Variants in HEATR1 observed in about 807,000 individuals in gnomAD.
HEATR1 encodes the protein HEAT repeat containing 1.
A neutral mutation model predicts 248.2 loss-of-function variants in HEATR1; 77 were observed. The observed-to-expected ratio is 0.31, with a 90% CI of 0.26 to 0.37. The LOEUF is 0.37. Among genes scored for constraint, HEATR1 ranks in the 10% least tolerant of loss-of-function variants. The pLI is 1.00. For synonymous variants in HEATR1, 897 were observed against 923.1 expected (o/e 0.97, Z 0.51); for missense variants, 2,420 against 2,504.9 (o/e 0.97, Z 0.72).
At chr1:236,571,826 A>G in intron 26 of HEATR1, 140 bp from the exon 27 acceptor site, 1 of 663,072 alleles carries the variant, frequency 1.5e-6, no homozygotes, top group South Asian at 1.8e-5. Flanking sequence ...ATTAAACATC[A>G]AGTCTAGAAA....
chr1:236,567,973 CAGAA>C (rs1218804430), intron 29 of HEATR1, among the ~76,000 whole-genome samples: 1 of 152,214 alleles, frequency 6.6e-6, no homozygotes, highest in Non-Finnish European at 1.5e-5. Context: ...GAATAAATGA[CAGAA>C]AGAATGACAG....
intron 9 of HEATR1, 70 bp downstream of exon 9, chr1:236,593,942 T>C: frequency 9.7e-7 from 1 of 1,031,652 alleles, no homozygotes; most frequent in Non-Finnish European, 1.5e-6. Context: ...GGGAAATTTC[T>C]AACCAATCTT....
chr1:236,556,613 T>C (rs1027629487), intron 37 of HEATR1, among the ~76,000 whole-genome samples: 32 of 152,190 alleles, frequency 2.1e-4, no homozygotes, highest in African/African-American at 6.8e-4. Context: ...CTGAGAAGGC[T>C]ACTTTTAAAC....
Position 236,572,544 on chromosome 1 carries a change from C to T in HEATR1, c.3574G>A (p.Asp1192Asn), listed in dbSNP as rs753802952. The T allele has an allele frequency of 4.3e-6, 7 of 1,613,540 alleles. No individual in the cohort carries two copies. The highest frequency in any genetic ancestry group is 1.3e-5 in the African/African-American group (1 of 74,862). ...CCAACTTCCTGAACAGATTCTAGAT[C>T]TTGTGATTTTCTGGAAAATGGAGAA... ...RQKMQQKKSQ[D>N]LESVQEVGGS... is the part of the protein sequence containing the mutation. The change falls in exon 26 of 45, where the codon GAT becomes AAT. Residue 1192 changes from aspartate to asparagine, a missense_variant. Asp to Asn is a conservative substitution (Grantham distance 23). Coordinates refer to ENST00000366582, the MANE Select transcript of HEATR1 (RefSeq NM_018072.6).
At chr1:236,583,313 A>T in intron 17 of HEATR1, 117 bp from the exon 18 acceptor site, 1 of 812,208 alleles carries the variant, frequency 1.2e-6, no homozygotes, top group Non-Finnish European at 1.9e-6. Flanking sequence ...TGGTGGGGAA[A>T]GGATTAACAG....
intron 21 of HEATR1, 88 bp downstream of exon 21, chr1:236,576,692 C>G: frequency 8.1e-7 from 1 of 1,237,064 alleles, no homozygotes; most frequent in Non-Finnish European, 1.1e-6. Context: ...CATCAAAATC[C>G]CTACACAGTG....
chr1:236,595,998 A>G lies in HEATR1; in HGVS notation c.791T>C (p.Ile264Thr). Reference sequence around the variant, plus strand: ...CACTTTCACAGAAATCTGACATATTATCATGTATGTTGCAGCTCTGTAATC... The same window carrying G: ...CACTTTCACAGAAATCTGACATATTGTCATGTATGTTGCAGCTCTGTAATC... ...LPDYRAATYM[I>T]ICQISVKVTM... Residue 264 changes from isoleucine to threonine, a missense_variant, in exon 7 of 45, where the codon ATA becomes ACA. Transcript: ENST00000366582. 6.2e-7 allele frequency: 1 copy of G among 1,613,860 alleles called. No individual in the cohort carries two copies. Among genetic ancestry groups the G allele is most frequent in the South Asian group, 1.1e-5 (1 of 91,062 alleles).
rs114897521 is a variant in HEATR1, at chr1:236,600,874, T to C, written c.360-1250A>G. 3.2e-3 allele frequency among the ~76,000 whole-genome samples: 492 copies of C among 152,292 alleles called. 1 individual carries two copies. Among genetic ancestry groups the C allele is most frequent in the African/African-American group, 0.011 (471 of 41,568 alleles). ...ACGGTTTTAGCGGTTACTTTTTCCA[T>C]GAAGCTTTCTTCAACTATTCCAGGC... On this transcript the variant is annotated intron_variant, in intron 3 of 44. Transcript: ENST00000366582.
Position 236,564,525 on chromosome 1 carries a change from G to A in HEATR1, c.4572C>T (p.Leu1524=). The change falls in exon 32 of 45, where the codon CTC becomes CTT. Residue 1524 remains leucine, a synonymous_variant. Transcript: ENST00000366582. The part of the protein sequence containing the change: ...KFLSVSFMSQ[L]LSSNNFLKKV... ...TTTTCAGAAAATTATTGGAAGACAG[G>A]AGCTGAGACATGAAGGACACTGACA... 1.9e-6 allele frequency: 3 copies of A among 1,613,798 alleles called. No homozygotes were observed. Among genetic ancestry groups the A allele is most frequent in the Non-Finnish European group, 8.5e-7 (1 of 1,179,948 alleles).
At position 236,556,279 on chromosome 1, in the gene HEATR1, TGA is replaced by T. The variant is rs1558177197; in HGVS notation, c.5356-23_5356-22del. 1.9e-6 allele frequency: 3 copies of T among 1,613,434 alleles called. No individual in the cohort carries two copies. The East Asian group carries it at 6.7e-5, about 36-fold the overall frequency. On this transcript the variant is annotated intron_variant, in intron 37 of 44. Transcript: ENST00000366582. ...ATCACCTACAGGAATATAAAAAAAG[TGA>T]TCAGGGCCACTGCAGATCTTCGCTG... is the stretch of plus-strand genomic sequence containing the variant.
chr1:236,555,781 T>C lies in HEATR1; in HGVS notation c.5649+24A>G, dbSNP rs376593951. 3.1e-6 allele frequency: 5 copies of C among 1,613,876 alleles called. No homozygotes were observed. The Middle Eastern group carries it at 4.9e-4, about 159-fold the overall frequency. On this transcript the variant is annotated intron_variant, in intron 39 of 44. Transcript: ENST00000366582. ...AATAGGTGGATAACAGCTTTAGGAT[T>C]TGGAGGAGTGAACCTGAGCTTACCT...
rs754869104 is a variant in HEATR1, at chr1:236,556,094, T to A, written c.5514+6A>T. On this transcript the variant is annotated splice_donor_region_variant and intron_variant, in intron 38 of 44. Coordinates refer to ENST00000366582, the MANE Select transcript of HEATR1 (RefSeq NM_018072.6). ...TCCAAAGTCTTAATACCCAATAAGA[T>A]CTAACCTTCCAGTTCTTCTCAATCT... 1 of 1,614,170 alleles carries A rather than the reference T, an allele frequency of 6.2e-7. No homozygotes were observed. Among genetic ancestry groups the A allele is most frequent in the Non-Finnish European group, 8.5e-7 (1 of 1,180,028 alleles).
intron 3 of HEATR1, among the ~76,000 whole-genome samples, chr1:236,602,000 G>A (rs1257092293): frequency 3.3e-5 from 5 of 151,140 alleles, no homozygotes; most frequent in South Asian, 2.1e-4. Context: ...TTAACTGGGC[G>A]TAGTGGTATG....
At chr1:236,600,676 G>A (rs897668257) in intron 3 of HEATR1, among the ~76,000 whole-genome samples, 3 of 151,952 alleles carry the variant, frequency 2.0e-5, no homozygotes, top group African/African-American at 7.3e-5. Context: ...AATTACAGGT[G>A]CACAGCACCA....
At chr1:236,554,008 C>T (rs1434454950) in intron 42 of HEATR1, among the ~76,000 whole-genome samples, 2 of 152,188 alleles carry the variant, frequency 1.3e-5, no homozygotes, top group East Asian at 3.9e-4. Flanking sequence ...GACGCGTTCT[C>T]AGTGAGGCCC....
chr1:236,604,206 C>G lies in HEATR1; in HGVS notation c.-32-79G>C, dbSNP rs767653634. ...TAAACAAACAATTCTCTTCTGCACT[C>G]AGCACCGTCATGGACACACAACGCG... On this transcript the variant is annotated intron_variant, in intron 1 of 44. Coordinates refer to ENST00000366582, the MANE Select transcript of HEATR1 (RefSeq NM_018072.6). 3.8e-4 allele frequency: 450 copies of G among 1,180,630 alleles called. 1 individual carries two copies. The highest frequency in any genetic ancestry group is 4.8e-4 in the Non-Finnish European group (414 of 864,282). 73.1% of individuals were successfully genotyped at this position (1,180,630 alleles called of 1,614,324 possible). A position where few individuals can be genotyped will look rare whatever the true frequency, so the allele number is the denominator to read the frequency against.
rs138147105 is a variant in HEATR1 at position 236,553,593 on chromosome 1, G to C, written c.6225C>G (p.Asp2075Glu). 6.8e-6 allele frequency: 11 copies of C among 1,613,678 alleles called. No homozygotes were observed. Among genetic ancestry groups the C allele is most frequent in the Middle Eastern group, 1.6e-4 (1 of 6,082 alleles). The change falls in exon 43 of 45, where the codon GAC becomes GAG. Residue 2075 changes from aspartate (D) to glutamate (E), a missense_variant. Coordinates refer to ENST00000366582, the MANE Select transcript of HEATR1 (RefSeq NM_018072.6). ...LNYQILLKTR[D>E]SSPKVRFAAL... ...CGCAGTTCCTAACCTTAGGCGAGGA[G>C]TCTCTCGTCTTTAGCAGAATCTGGT...
rs576830922 is a variant in HEATR1, at chr1:236,597,951, G to T, written c.530C>A (p.Thr177Asn). The part of the protein sequence containing the change: ...KQSGVPLAKG[T>N]LITHCYKDLG... ...ATCTTTGTAGCAGTGGGTAATCAAA[G>T]TTCCTTTAGCTAACGGCACTCCAGA... Residue 177 changes from threonine (T) to asparagine (N), a missense_variant, in exon 5 of 45, where the codon ACT (threonine) becomes AAT (asparagine). By Grantham distance (65) the Thr-to-Asn change is moderately conservative. Coordinates refer to ENST00000366582, the MANE Select transcript of HEATR1 (RefSeq NM_018072.6). 14 of 1,613,620 alleles carry T rather than the reference G, an allele frequency of 8.7e-6. No individual in the cohort carries two copies. The South Asian group carries it at 1.3e-4, about 15-fold the overall frequency.
intron 14 of HEATR1, 41 bp from the exon 15 acceptor site, chr1:236,586,493 G>C (rs762347257): frequency 1.4e-6 from 2 of 1,453,944 alleles, no homozygotes; most frequent in Non-Finnish European, 1.9e-6. Context: ...AGACACATTG[G>C]AAGGCTTCAA....
Sources: gnomAD v4.1 joint callset for allele counts (sites outside exome capture counted in the v4.1 genomes callset) on GRCh38, gnomAD v4.1.1 for gene constraint, MANE v1.5 for transcripts, NCBI Gene and HGNC (gene_info 2026-07-23, HGNC 2026-07-21) for gene names.